The following UEVLD variants were observed in gnomAD, a reference collection of about 807,000 sequenced individuals.
UEVLD encodes the protein ubiquitin-conjugating enzyme E2 variant 3.
In UEVLD, 47 loss-of-function variants were observed where a neutral mutation model predicts 58.6. The observed-to-expected ratio is 0.80, with a 90% CI of 0.63 to 1.02. UEVLD has a LOEUF of 1.02. Among genes scored for constraint, UEVLD ranks in the 50% least tolerant of loss-of-function variants. The pLI is 0.00. For missense variants in UEVLD, 510 were observed against 550.6 expected, an observed-to-expected ratio of 0.93 and a Z score of 0.74; for synonymous variants, 197 against 195.3, an observed-to-expected ratio of 1.01 and a Z score of -0.07.
intron 6 of UEVLD, among the ~76,000 whole-genome samples, chr11:18,559,205 C>CT (rs1231248590): frequency 3.4e-5 from 5 of 146,988 alleles, no homozygotes; most frequent in South Asian, 2.2e-4. Flanking sequence ...CTTTTCTTTT[C>CT]TTTTTTTTTC....
At chr11:18,586,554 T>C (rs1000342571) in intron 1 of UEVLD, among the ~76,000 whole-genome samples, 1 of 152,112 alleles carries the variant, frequency 6.6e-6, no homozygotes, top group African/African-American at 2.4e-5. Flanking sequence ...ACGGTCTCGT[T>C]CTGTCTCCCA....
chr11:18,556,731 A>G (rs1407104795), intron 7 of UEVLD, among the ~76,000 whole-genome samples: 1 of 152,152 alleles, frequency 6.6e-6, no homozygotes, highest in Non-Finnish European at 1.5e-5. Context: ...TACGGTATTT[A>G]CCTACATAAA....
intron 1 of UEVLD, among the ~76,000 whole-genome samples, chr11:18,579,726 T>C (rs950099623): frequency 6.6e-6 from 1 of 152,200 alleles, no homozygotes; most frequent in Non-Finnish European, 1.5e-5. Context: ...AAATAAATAA[T>C]ACTTACCTCT....
intron 8 of UEVLD, among the ~76,000 whole-genome samples, chr11:18,546,229 CA>C (rs1396356165): frequency 6.6e-6 from 1 of 152,128 alleles, no homozygotes; most frequent in Non-Finnish European, 1.5e-5. Flanking sequence ...TTTGATACTT[CA>C]GAATTAACAA....
intron 7 of UEVLD, among the ~76,000 whole-genome samples, chr11:18,552,959 T>G (rs1345789526): frequency 6.6e-6 from 1 of 150,880 alleles, no homozygotes; most frequent in Non-Finnish European, 1.5e-5. Context: ...ATCGAGACCA[T>G]CCTGGCTAAC....
intron 1 of UEVLD, among the ~76,000 whole-genome samples, chr11:18,587,049 T>G (rs1436438156): frequency 1.3e-5 from 2 of 151,982 alleles, no homozygotes; most frequent in Non-Finnish European, 2.9e-5. Flanking sequence ...ACAGTAATAA[T>G]AATAATAAGC....
chr11:18,568,793 C>CT (rs1176614242), intron 4 of UEVLD, among the ~76,000 whole-genome samples: 1 of 152,052 alleles, frequency 6.6e-6, no homozygotes, highest in Non-Finnish European at 1.5e-5. Flanking sequence ...TATAAGCTGT[C>CT]TATAAAATAA....
In UEVLD at chr11:18,580,242, A is replaced by G. The variant is rs143233201; in HGVS notation, c.43-1434T>C. ...TAAAGAAATCAGAACTCTCACACAT[A>G]CACCACTGCCAGTGGCAAAATGATG... On this transcript the variant is annotated intron_variant, in intron 1 of 11. Coordinates refer to ENST00000396197, the MANE Select transcript of UEVLD (RefSeq NM_001040697.4). Among the ~76,000 whole-genome samples the G allele has an allele frequency of 4.9e-3, 746 of 152,280 alleles. 6 individuals are homozygous for G. Among genetic ancestry groups the G allele is most frequent in the African/African-American group, 0.017 (721 of 41,552 alleles).
In UEVLD at chr11:18,544,222, A is replaced by G. The variant is rs866081158; in HGVS notation, c.1060+401T>C. Among the ~76,000 whole-genome samples, 6 of 152,358 alleles carry G rather than the reference A, an allele frequency of 3.9e-5. No individual in the cohort carries two copies. The Middle Eastern group carries it at 0.01, about 259-fold the overall frequency. On this transcript the variant is annotated intron_variant, in intron 9 of 11. Coordinates refer to ENST00000396197, the MANE Select transcript of UEVLD (RefSeq NM_001040697.4). ...ATACAGAAGGCACACTCAAATGTGG[A>G]ACAAAGCCAATTAAGCCCACAATTC...
chr11:18,552,893 C>A (rs1415564586), intron 7 of UEVLD, among the ~76,000 whole-genome samples: 1 of 151,760 alleles, frequency 6.6e-6, no homozygotes, highest in Non-Finnish European at 1.5e-5. Context: ...TGGTGGCTCA[C>A]CCCTGTAATC....
chr11:18,559,349 C>T (rs1390353725), intron 6 of UEVLD, among the ~76,000 whole-genome samples: 2 of 152,124 alleles, frequency 1.3e-5, no homozygotes, highest in Non-Finnish European at 2.9e-5. Flanking sequence ...CAGGCGTGCA[C>T]CACCTCACCT....
rs10638102 is a variant in UEVLD, at chr11:18,583,639, T to TA, written c.43-4832_43-4831insT. Among the ~76,000 whole-genome samples, 1,060 of 148,788 alleles carry TA rather than the reference T, an allele frequency of 7.1e-3. 15 individuals are homozygous for TA. The highest frequency in any genetic ancestry group is 0.025 in the African/African-American group (1,008 of 40,172). ...AGAAGTTTTTAGCAGGAAGGAATCT[T>TA]TATTAAGTCCAGTATTACTTTTTTT... is the stretch of plus-strand genomic sequence containing the variant. On this transcript the variant is annotated intron_variant, in intron 1 of 11. Coordinates refer to ENST00000396197, the MANE Select transcript of UEVLD (RefSeq NM_001040697.4).
At chr11:18,586,199 A>T (rs11024724) in intron 1 of UEVLD, among the ~76,000 whole-genome samples, 28,329 of 152,094 alleles carry the variant, frequency 0.19, 3,027 homozygotes, top group East Asian at 0.41. Context: ...TCTAAGTTTT[A>T]AAAAATTTTA....
chr11:18,572,429 C>T (rs1852671825), intron 3 of UEVLD, among the ~76,000 whole-genome samples: 2 of 152,168 alleles, frequency 1.3e-5, no homozygotes, highest in Non-Finnish European at 2.9e-5. Context: ...CACTTCATCC[C>T]TTCCCAAATG....
chr11:18,565,088 C>T, intron 5 of UEVLD, 78 bp from the exon 6 acceptor site: 2 of 1,047,964 alleles, frequency 1.9e-6, no homozygotes, highest in Middle Eastern at 2.3e-4. Flanking sequence ...AAATATATAG[C>T]AGGCTTCATA....
chr11:18,544,499 G>C, intron 9 of UEVLD, 124 bp downstream of exon 9: 1 of 970,150 alleles, frequency 1.0e-6, no homozygotes, highest in Non-Finnish European at 1.5e-6. Context: ...GTAGAGATGG[G>C]GTCTTGCTAT....
At chr11:18,539,966 C>A (rs573089247) in intron 9 of UEVLD, among the ~76,000 whole-genome samples, 1 of 152,308 alleles carries the variant, frequency 6.6e-6, no homozygotes, top group East Asian at 1.9e-4. Context: ...TTTCCAAATC[C>A]TAATGTTGCT....
intron 6 of UEVLD, among the ~76,000 whole-genome samples, chr11:18,564,468 T>C (rs1462625111): frequency 6.6e-6 from 1 of 151,546 alleles, no homozygotes; most frequent in Non-Finnish European, 1.5e-5. Flanking sequence ...CCTAAACTAG[T>C]ATTAAATATC....
intron 7 of UEVLD, among the ~76,000 whole-genome samples, chr11:18,549,314 T>G (rs947775287): frequency 1.3e-5 from 2 of 152,256 alleles, no homozygotes. Flanking sequence ...CTCTACAATC[T>G]GGCCCCAGGC....
Sources: allele counts gnomAD v4.1 joint callset (sites outside exome capture counted in the v4.1 genomes callset), GRCh38; gene constraint gnomAD v4.1.1; transcripts MANE v1.5; gene names NCBI Gene and HGNC (gene_info 2026-07-23, HGNC 2026-07-21).